NPHP4: variants seen among roughly 807,000 people sequenced by gnomAD.
The protein encoded by NPHP4 is nephrocystin-4.
NPHP4 carries 151 observed loss-of-function variants against 155.8 expected under a neutral mutation model. That is an observed-to-expected ratio of 0.97 (90% CI 0.85 to 1.11). The LOEUF is 1.11. Ranked by LOEUF, NPHP4 falls within the 50% of genes least tolerant of loss-of-function variation. NPHP4 has a pLI of 0.00. For synonymous variants in NPHP4, 845 were observed against 816.8 expected (o/e 1.03, Z -0.59); for missense variants, 1,956 against 1,925.7 (o/e 1.02, Z -0.29).
intron 16 of NPHP4, among the ~76,000 whole-genome samples, chr1:5,895,298 GT>G (rs149984303): frequency 0.036 from 5,480 of 151,164 alleles, 330 homozygotes; most frequent in African/African-American, 0.13. Context: ...AAACCTGCAC[GT>G]TGGGCACGTG....
At chr1:5,964,686 C>T (rs932942529) in intron 5 of NPHP4, among the ~76,000 whole-genome samples, 1 of 151,618 alleles carries the variant, frequency 6.6e-6, no homozygotes, top group African/African-American at 2.4e-5. Context: ...GTGAGTAAAA[C>T]CTGACTACCT....
intron 11 of NPHP4, among the ~76,000 whole-genome samples, chr1:5,917,319 C>T (rs1645524907): frequency 6.6e-6 from 1 of 152,070 alleles, no homozygotes; most frequent in Non-Finnish European, 1.5e-5. Flanking sequence ...GATTCCTAAG[C>T]CCAGGATTAC....
intron 3 of NPHP4, among the ~76,000 whole-genome samples, chr1:5,977,602 T>C (rs1382317877): frequency 1.3e-5 from 2 of 151,606 alleles, no homozygotes; most frequent in East Asian, 2.0e-4. Flanking sequence ...GAGCCTAGCA[T>C]GATGCCCTGC....
intron 6 of NPHP4, among the ~76,000 whole-genome samples, chr1:5,960,780 A>G (rs1650169784): frequency 6.6e-6 from 1 of 151,090 alleles, no homozygotes; most frequent in African/African-American, 2.4e-5. Context: ...CACCCCCAAC[A>G]CTCCCATGGC....
At chr1:5,964,941 A>ATATATATATATTTTTTTTTTT in intron 5 of NPHP4, among the ~76,000 whole-genome samples, 4 of 59,404 alleles carry the variant, frequency 6.7e-5, no homozygotes, top group African/African-American at 1.7e-4. Context: ...ATATATATAT[A>ATATATATATATTTTTTTTTTT]TTTTTTTTTT....
chr1:5,892,810 G>A lies in NPHP4; in HGVS notation c.2144-1782C>T, dbSNP rs1389395414. On this transcript the variant is annotated intron_variant, in intron 16 of 29. Coordinates refer to ENST00000378156, the MANE Select transcript of NPHP4 (RefSeq NM_015102.5). This position sits in a 1 kb window ranked among gnomAD's most constrained non-coding sequence, Gnocchi z 4.5. ...ATCCCACTCAGAAGTCCAGGAAGCT[G>A]GCCTCCAACTGAACTAAGAAGACTC... Among the ~76,000 whole-genome samples, 1 of 152,086 alleles carries A rather than the reference G, an allele frequency of 6.6e-6. No homozygotes were observed. The highest frequency in any genetic ancestry group is 1.9e-4 in the East Asian group (1 of 5,164).
At chr1:5,951,875 C>T (rs143561184) in intron 7 of NPHP4, among the ~76,000 whole-genome samples, 3 of 152,210 alleles carry the variant, frequency 2.0e-5, no homozygotes, top group Admixed American at 6.5e-5. Context: ...TTTTACAGCT[C>T]GCAAGCCAGA....
At chr1:5,865,078 G>A (rs750857029) in intron 27 of NPHP4, 24 bp downstream of exon 27, 1 of 1,610,834 alleles carries the variant, frequency 6.2e-7, no homozygotes, top group East Asian at 2.2e-5. Context: ...GAGAGGCTCA[G>A]AACAGCCCCC....
chr1:5,884,130 T>C (rs1432834259), intron 18 of NPHP4, among the ~76,000 whole-genome samples: 1 of 152,166 alleles, frequency 6.6e-6, no homozygotes, highest in Non-Finnish European at 1.5e-5. Context: ...GATGTTAAAT[T>C]AGTGCAGGCT....
At chr1:5,865,420 G>A (rs1243630591) in intron 26 of NPHP4, 147 bp from the exon 27 acceptor site, 12 of 665,626 alleles carry the variant, frequency 1.8e-5, no homozygotes, top group Non-Finnish European at 2.8e-5. Context: ...GGCAGAGCTG[G>A]GGCCACGCAG....
chr1:5,951,706 G>A (rs1648100765), intron 7 of NPHP4, among the ~76,000 whole-genome samples: 1 of 152,180 alleles, frequency 6.6e-6, no homozygotes, highest in African/African-American at 2.4e-5. Context: ...CTAGACCAAG[G>A]ACAGATTATC....
chr1:5,949,569 G>A (rs1354327767), intron 7 of NPHP4, among the ~76,000 whole-genome samples: 5 of 152,006 alleles, frequency 3.3e-5, no homozygotes, highest in African/African-American at 1.2e-4. Context: ...TCCCAGGAAG[G>A]GCTGAGCACC....
At chr1:5,965,160 TG>T (rs1262481135) in intron 5 of NPHP4, among the ~76,000 whole-genome samples, 1 of 151,790 alleles carries the variant, frequency 6.6e-6, no homozygotes, top group Non-Finnish European at 1.5e-5. Context: ...CTCAAACTCC[TG>T]GCCTTAAGCA....
rs150729272 is a variant in NPHP4 at position 5,926,523 on chromosome 1, C to T, written c.1441+1126G>A. 6.0e-3 allele frequency among the ~76,000 whole-genome samples: 920 copies of T among 152,194 alleles called. 11 individuals carry two copies. Among genetic ancestry groups the T allele is most frequent in the African/African-American group, 0.02 (820 of 41,510 alleles). ...ACAGACTCTTTTTTTCTTGTCATTA[C>T]TCCCTAAACAGTACAATTTACATAG... On this transcript the variant is annotated intron_variant, in intron 11 of 29. Transcript: ENST00000378156.
Position 5,892,207 on chromosome 1 carries a change from A to G in NPHP4, c.2144-1179T>C, listed in dbSNP as rs1422941940. Among the ~76,000 whole-genome samples, 1 of 152,222 alleles carries G rather than the reference A, an allele frequency of 6.6e-6. No homozygotes were observed. The highest frequency in any genetic ancestry group is 1.5e-5 in the Non-Finnish European group (1 of 68,036). On this transcript the variant is annotated intron_variant, in intron 16 of 29. Coordinates refer to ENST00000378156, the MANE Select transcript of NPHP4 (RefSeq NM_015102.5). The surrounding 1 kb of genome is among the most constrained non-coding windows in gnomAD (Gnocchi z 4.5). ...GTGGCATCTAGTGAGAGCTCCCAGC[A>G]TGAGCGACGCAGAAGATGGGTGATT...
chr1:5,974,488 G>A (rs1277423153), intron 3 of NPHP4, among the ~76,000 whole-genome samples: 1 of 152,140 alleles, frequency 6.6e-6, no homozygotes, highest in Non-Finnish European at 1.5e-5. Context: ...GCACAGGACC[G>A]TGGCCTCCAG....
At position 5,887,276 on chromosome 1, in the gene NPHP4, G is replaced by A. The variant is rs779716188; in HGVS notation, c.2485+10C>T. Reference sequence around the variant, plus strand: ...CGCTGGAGAAATGGCACAAGGCTGGGGACTCTTACCCACGTTGGCCAAAGT... The same window carrying A: ...CGCTGGAGAAATGGCACAAGGCTGGAGACTCTTACCCACGTTGGCCAAAGT... On this transcript the variant is annotated intron_variant, in intron 18 of 29. Transcript: ENST00000378156. The A allele has an allele frequency of 1.2e-6, 2 of 1,609,540 alleles. No individual in the cohort carries two copies. The highest frequency in any genetic ancestry group is 2.2e-5 in the East Asian group (1 of 44,740).
At chr1:5,929,744 G>A (rs950775923) in intron 10 of NPHP4, among the ~76,000 whole-genome samples, 2 of 152,000 alleles carry the variant, frequency 1.3e-5, no homozygotes, top group South Asian at 2.1e-4. Context: ...TGAAGGATAC[G>A]GGTCCACAGT....
At chr1:5,924,601 A>C (rs1377630534) in intron 11 of NPHP4, among the ~76,000 whole-genome samples, 2 of 152,176 alleles carry the variant, frequency 1.3e-5, no homozygotes, top group East Asian at 3.9e-4. Flanking sequence ...ATTTGATTAG[A>C]AGGTCTTCAA....
Sources: gnomAD v4.1 joint callset for allele counts (sites outside exome capture counted in the v4.1 genomes callset) on GRCh38, gnomAD v4.1.1 for gene constraint, Gnocchi (gnomAD v3.1) non-coding constraint, MANE v1.5 for transcripts, NCBI Gene and HGNC (gene_info 2026-07-23, HGNC 2026-07-21) for gene names.